The following PCDHGB2 variants were observed in gnomAD, a reference collection of about 807,000 sequenced individuals.
PCDHGB2 encodes the protein protocadherin gamma subfamily B, 2.
In PCDHGB2, 55 loss-of-function variants were observed where a neutral mutation model predicts 59.3. The observed-to-expected ratio is 0.93, with a 90% CI of 0.75 to 1.16. The LOEUF is 1.16. PCDHGB2 is among the 50% of genes most tolerant of loss of function. The probability of loss-of-function intolerance (pLI) is 0.00; values close to 1 mark genes in which losing one functional copy is unlikely to be tolerated. For missense variants in PCDHGB2, 1,228 were observed against 1,198.5 expected, an observed-to-expected ratio of 1.02 and a Z score of -0.36; for synonymous variants, 516 against 512.0, an observed-to-expected ratio of 1.01 and a Z score of -0.11.
chr5:141,361,293 G>A lies in PCDHGB2; in HGVS notation c.1158G>A (p.Val386=). 2 of 1,614,018 alleles carry A rather than the reference G, an allele frequency of 1.2e-6. No individual in the cohort carries two copies. The highest frequency in any genetic ancestry group is 8.5e-7 in the Non-Finnish European group (1 of 1,179,906). Reference sequence around the variant, plus strand: ...AAAATGGAGAAGTTTACTGCCAAGTGTTGGGAAATGCCAAGTTTATTTTGA... The same window carrying A: ...AAAATGGAGAAGTTTACTGCCAAGTATTGGGAAATGCCAAGTTTATTTTGA... ...SGENGEVYCQ[V]LGNAKFILKS... is the part of the protein sequence containing the mutation. The change falls in exon 1 of 4, where the codon GTG becomes GTA. Residue 386 remains valine, a synonymous_variant. Transcript: ENST00000522605.
Position 141,361,541 on chromosome 5 carries a change from C to A in PCDHGB2, c.1406C>A (p.Ala469Asp). ...VHVAENNPPGASIAQISASDP... is the reference protein window; with the variant it reads ...VHVAENNPPGDSIAQISASDP... The stretch of plus-strand genomic sequence containing the variant: ...GTGGCAGAGAACAATCCTCCTGGCG[C>A]CTCTATCGCTCAAATCAGTGCCTCT... The change falls in exon 1 of 4, where the codon GCC becomes GAC. Residue 469 changes from alanine (A) to aspartate (D), a missense_variant. By Grantham distance (126) the Ala-to-Asp change is moderately radical (BLOSUM62 -2). Around this residue, in one of 3 missense-constraint regions of PCDHGB2, gnomAD observed 781 missense variants for 721.6 expected, o/e 1.08. Transcript: ENST00000522605. The A allele has an allele frequency of 6.2e-7, 1 of 1,614,074 alleles. No individual in the cohort carries two copies. The highest frequency in any genetic ancestry group is 8.5e-7 in the Non-Finnish European group (1 of 1,179,904).
chr5:141,385,110 C>A (rs1315178545), intron 1 of PCDHGB2: 2 of 1,614,076 alleles, frequency 1.2e-6, no homozygotes, highest in African/African-American at 2.7e-5. Context: ...ACGTGCCCAC[C>A]TCGCACTTTG....
At chr5:141,409,821 C>T in intron 1 of PCDHGB2, 1 of 1,610,940 alleles carries the variant, frequency 6.2e-7, no homozygotes, top group Non-Finnish European at 8.5e-7. Flanking sequence ...CACGGCTCGC[C>T]CACGCTCAGC....
intron 1 of PCDHGB2, chr5:141,413,959 G>A: frequency 1.9e-6 from 3 of 1,613,372 alleles, no homozygotes; most frequent in Middle Eastern, 3.3e-4. Context: ...TTTGCCTGTG[G>A]GCACTCAGCT....
Position 141,476,264 on chromosome 5 carries a change from G to C in PCDHGB2, c.2422-18543G>C, listed in dbSNP as rs753184649. The C allele has an allele frequency of 6.2e-7, 1 of 1,614,082 alleles. No individual in the cohort carries two copies. Among genetic ancestry groups the C allele is most frequent in the Non-Finnish European group, 8.5e-7 (1 of 1,180,010 alleles). On this transcript the variant is annotated intron_variant, in intron 1 of 3. Transcript: ENST00000522605. This position sits in a 1 kb window ranked among gnomAD's most constrained non-coding sequence, Gnocchi z 7.6. ...AGAGAAGGGTTTCGCTGTGGGCAAC[G>C]TGGTCGCGAACCTTGGTTTGGATCT...
Position 141,489,092 on chromosome 5 carries a change from A to AATT in PCDHGB2, c.2422-5714_2422-5713insTTA. 2.9e-6 allele frequency: 1 copy of AATT among 348,332 alleles called. No individual in the cohort carries two copies. Among genetic ancestry groups the AATT allele is most frequent in the Non-Finnish European group, 4.7e-6 (1 of 214,538 alleles). 21.6% of individuals were successfully genotyped at this position (348,332 alleles called of 1,614,324 possible). A position where few individuals can be genotyped will look rare whatever the true frequency, so the allele number is the denominator to read the frequency against. On this transcript the variant is annotated intron_variant, in intron 1 of 3. Transcript: ENST00000522605. This position sits in a 1 kb window ranked among gnomAD's most constrained non-coding sequence, Gnocchi z 4.5. Reference sequence around the variant, plus strand: ...TGCCCACCCCCGCCACTCGGTGACTAAGAACTGCTGCAAGCAGGCAAACCT... The same window carrying AATT: ...TGCCCACCCCCGCCACTCGGTGACTAATTAGAACTGCTGCAAGCAGGCAAACCT...
chr5:141,384,503 A>G lies in PCDHGB2; in HGVS notation c.2421+21947A>G, dbSNP rs761415530. 6 of 1,614,192 alleles carry G rather than the reference A, an allele frequency of 3.7e-6. No homozygotes were observed. The highest frequency in any genetic ancestry group is 5.1e-6 in the Non-Finnish European group (6 of 1,180,018). ...GAACTACAACTAAGAGTGACTGCAC[A>G]TGACAGCGGGGACCCGCCTCTCAGC... On this transcript the variant is annotated intron_variant, in intron 1 of 3. Transcript: ENST00000522605.
intron 1 of PCDHGB2, chr5:141,418,573 C>T (rs749104686): frequency 6.2e-7 from 1 of 1,613,944 alleles, no homozygotes; most frequent in Non-Finnish European, 8.5e-7. Flanking sequence ...CCAATGACAA[C>T]CCCCCAGTGT....
Position 141,489,690 on chromosome 5 carries a change from A to T in PCDHGB2, c.2422-5117A>T. The T allele has an allele frequency of 6.2e-7, 1 of 1,614,198 alleles. No individual in the cohort carries two copies. The highest frequency in any genetic ancestry group is 8.5e-7 in the Non-Finnish European group (1 of 1,180,024). ...TCTCAGAATCAGCAGCATCTGGGGC[A>T]CGATTCCCACTGGACAGTGCCCAGG... On this transcript the variant is annotated intron_variant, in intron 1 of 3. Coordinates refer to ENST00000522605, the MANE Select transcript of PCDHGB2 (RefSeq NM_018923.3). The surrounding 1 kb of genome is among the most constrained non-coding windows in gnomAD (Gnocchi z 4.5).
chr5:141,427,224 A>G (rs1269896138), intron 1 of PCDHGB2: 1 of 456,768 alleles, frequency 2.2e-6, no homozygotes, highest in East Asian at 6.9e-5. Context: ...TAGCAGTTAT[A>G]CCATGAGAGT....
chr5:141,413,881 G>C (rs774026375), intron 1 of PCDHGB2: 5 of 1,613,400 alleles, frequency 3.1e-6, no homozygotes, highest in Non-Finnish European at 4.2e-6. Context: ...CAGTGTGACT[G>C]TCTTCGATGC....
intron 1 of PCDHGB2, chr5:141,364,277 A>G (rs1763252394): frequency 1.3e-6 from 2 of 1,515,318 alleles, no homozygotes; most frequent in East Asian, 2.3e-5. Flanking sequence ...TTAGATAAAT[A>G]AGGAAACAGC....
intron 1 of PCDHGB2, chr5:141,478,628 T>G (rs1245431927): frequency 6.4e-7 from 1 of 1,553,704 alleles, no homozygotes; most frequent in African/African-American, 1.4e-5. Context: ...GAGCTGTTTT[T>G]TTAGTGATGA....
chr5:141,402,430 C>T (rs1026560659), intron 1 of PCDHGB2, among the ~76,000 whole-genome samples: 2 of 151,802 alleles, frequency 1.3e-5, no homozygotes, highest in African/African-American at 4.8e-5. Flanking sequence ...ATTGAAGCAT[C>T]ATAAAAAGGA....
At chr5:141,364,412 T>C (rs1423662682) in intron 1 of PCDHGB2, 2 of 1,612,244 alleles carry the variant, frequency 1.2e-6, no homozygotes, top group East Asian at 2.2e-5. Context: ...CGAGCCAGGA[T>C]CCGGGCAGAT....
intron 1 of PCDHGB2, chr5:141,419,406 C>A (rs367731612): frequency 1.9e-6 from 3 of 1,613,404 alleles, no homozygotes; most frequent in Non-Finnish European, 2.5e-6. Context: ...GTGGTGTTCG[C>A]GCAGCGCGCC....
rs747588958 is a variant in PCDHGB2 at position 141,370,424 on chromosome 5, A to C, written c.2421+7868A>C. 5 of 1,587,984 alleles carry C rather than the reference A, an allele frequency of 3.1e-6. No individual in the cohort carries two copies. The South Asian group carries it at 4.6e-5, about 15-fold the overall frequency. The stretch of plus-strand genomic sequence containing the variant: ...GAAATAGCTCCGGATGGAGGGGCCC[A>C]GCAGGGCAGAGGCGAATGCTATTTC... On this transcript the variant is annotated intron_variant, in intron 1 of 3. Transcript: ENST00000522605.
At chr5:141,394,050 G>GA (rs2092909261) in intron 1 of PCDHGB2, 4 of 1,613,594 alleles carry the variant, frequency 2.5e-6, no homozygotes, top group Non-Finnish European at 3.4e-6. Context: ...TTTGGACCGA[G>GA]AAAATGTCTC....
chr5:141,487,590 C>G lies in PCDHGB2; in HGVS notation c.2422-7217C>G. 1 of 1,614,160 alleles carries G rather than the reference C, an allele frequency of 6.2e-7. No homozygotes were observed. Among genetic ancestry groups the G allele is most frequent in the Non-Finnish European group, 8.5e-7 (1 of 1,180,040 alleles). ...GAGCCTGTTCGCCCAAGCTGCCCACCCTCTGATCTTCTCTATGGGCTAGAG... is the reference window on the plus strand; with the variant it reads ...GAGCCTGTTCGCCCAAGCTGCCCACGCTCTGATCTTCTCTATGGGCTAGAG... On this transcript the variant is annotated intron_variant, in intron 1 of 3. Transcript: ENST00000522605. The surrounding 1 kb of genome is among the most constrained non-coding windows in gnomAD (Gnocchi z 5.0).
Sources: gnomAD v4.1 joint callset for allele counts (sites outside exome capture counted in the v4.1 genomes callset) on GRCh38, gnomAD v4.1.1 for gene constraint, gnomAD v4.1.1 regional missense constraint, Gnocchi (gnomAD v3.1) non-coding constraint, MANE v1.5 for transcripts, NCBI Gene and HGNC (gene_info 2026-07-23, HGNC 2026-07-21) for gene names.